NUP93: variants seen among roughly 807,000 people sequenced by gnomAD.
The protein encoded by NUP93 is nucleoporin 93, also known as nuclear pore complex protein Nup93.
NUP93 carries 55 observed loss-of-function variants against 107.8 expected under a neutral mutation model. The ratio of observed to expected loss-of-function variants is 0.51; its 90% CI spans 0.41 to 0.64. The LOEUF (loss-of-function observed/expected upper bound fraction) is 0.64. Ranked by LOEUF, NUP93 falls within the 30% of genes least tolerant of loss-of-function variation. The probability of loss-of-function intolerance (pLI) is 0.00; values close to 1 mark genes in which losing one functional copy is unlikely to be tolerated. For synonymous variants in NUP93, 390 were observed against 397.5 expected (o/e 0.98, Z 0.22); for missense variants, 937 against 1,044.7 (o/e 0.90, Z 1.42).
intron 1 of NUP93, among the ~76,000 whole-genome samples, chr16:56,737,351 C>G (rs1961630539): frequency 6.6e-6 from 1 of 152,102 alleles, no homozygotes; most frequent in Admixed American, 6.6e-5. Flanking sequence ...GGCACTTATC[C>G]CATCCTGAAG....
At position 56,815,902 on chromosome 16, in the gene NUP93, C is replaced by CTGCTGCTGCTGCTGCTGG. The variant is rs879095616; in HGVS notation, c.490-2748_490-2747insCTGGTGCTGCTGCTGCTG. 5.3e-3 allele frequency among the ~76,000 whole-genome samples: 702 copies of CTGCTGCTGCTGCTGCTGG among 133,166 alleles called. 4 individuals are homozygous for CTGCTGCTGCTGCTGCTGG. The highest frequency in any genetic ancestry group is 0.017 in the East Asian group (80 of 4,710). The allele number at this position is 133,166 out of a possible 152,430, so 87.4% of individuals were successfully genotyped here. On this transcript the variant is annotated intron_variant, in intron 5 of 21. Transcript: ENST00000308159. ...GCTGCTGCTGCTGCTGCTGCTGGTG[C>CTGCTGCTGCTGCTGCTGG]TGCTGCTGCTGCTGGTGCTGCTGCT...
At chr16:56,740,211 G>A (rs1369571904) in intron 1 of NUP93, among the ~76,000 whole-genome samples, 1 of 139,948 alleles carries the variant, frequency 7.1e-6, no homozygotes, top group Non-Finnish European at 1.6e-5. Context: ...CGGGCGGAGA[G>A]GCTCCTCACT....
At chr16:56,838,920 C>T in intron 18 of NUP93, 32 bp from the exon 19 acceptor site, 3 of 1,472,950 alleles carry the variant, frequency 2.0e-6, no homozygotes, top group Non-Finnish European at 2.8e-6. Context: ...CTGATACACT[C>T]TTACTACCCC....
intron 3 of NUP93, among the ~76,000 whole-genome samples, chr16:56,787,391 C>G (rs1453748625): frequency 1.3e-5 from 2 of 152,100 alleles, no homozygotes; most frequent in Non-Finnish European, 2.9e-5. Flanking sequence ...AGACTTGGTT[C>G]CCAAACATTG....
intron 2 of NUP93, among the ~76,000 whole-genome samples, chr16:56,754,839 G>T (rs1486649405): frequency 6.6e-6 from 1 of 152,190 alleles, no homozygotes; most frequent in Non-Finnish European, 1.5e-5. Context: ...TGCCCCTGTA[G>T]CCGACTTCTG....
intron 1 of NUP93, among the ~76,000 whole-genome samples, chr16:56,739,673 C>G (rs1235982795): frequency 3.3e-4 from 44 of 132,782 alleles, no homozygotes; most frequent in Non-Finnish European, 5.0e-4. Flanking sequence ...GGGCGGAGGG[C>G]TGACCCCCCC....
intron 1 of NUP93, among the ~76,000 whole-genome samples, chr16:56,746,058 T>C (rs1448542188): frequency 6.6e-6 from 1 of 152,174 alleles, no homozygotes; most frequent in African/African-American, 2.4e-5. Flanking sequence ...CAGTTCTTTA[T>C]TTAGGGATTT....
rs75117461 is a variant in NUP93, at chr16:56,730,502, G to T, written c.-15+291G>T. The stretch of plus-strand genomic sequence containing the variant: ...CCCCACTGTGGTGCCCTCGCGCCAC[G>T]CCCCTGCCCTCACCTCCACCTCGTG... On this transcript the variant is annotated intron_variant, in intron 1 of 21. Transcript: ENST00000308159. Among the ~76,000 whole-genome samples the T allele has an allele frequency of 3.3e-3, 502 of 152,098 alleles. 6 individuals carry two copies. The highest frequency in any genetic ancestry group is 0.011 in the African/African-American group (475 of 41,488).
intron 2 of NUP93, among the ~76,000 whole-genome samples, chr16:56,752,122 A>T (rs1201593514): frequency 6.6e-6 from 1 of 152,188 alleles, no homozygotes; most frequent in Non-Finnish European, 1.5e-5. Flanking sequence ...GGTATATATT[A>T]AAATTATTTT....
At chr16:56,781,420 C>T (rs1342954264) in intron 3 of NUP93, among the ~76,000 whole-genome samples, 1 of 152,162 alleles carries the variant, frequency 6.6e-6, no homozygotes, top group Non-Finnish European at 1.5e-5. Context: ...ATCCGAGATG[C>T]TTCTGTATGT....
chr16:56,806,370 T>C (rs535038310), intron 5 of NUP93, among the ~76,000 whole-genome samples: 1 of 152,170 alleles, frequency 6.6e-6, no homozygotes, highest in South Asian at 2.1e-4. Context: ...CAAATCACTG[T>C]CATCTCTTGC....
chr16:56,783,043 C>G (rs1362152827), intron 3 of NUP93, among the ~76,000 whole-genome samples: 1 of 152,138 alleles, frequency 6.6e-6, no homozygotes, highest in Admixed American at 6.5e-5. Flanking sequence ...ATAAATCTTG[C>G]CTGCAATACT....
rs111959228 is a variant in NUP93 at position 56,841,222 on chromosome 16, C to T, written c.2221-483C>T. On this transcript the variant is annotated intron_variant, in intron 20 of 21. Coordinates refer to ENST00000308159, the MANE Select transcript of NUP93 (RefSeq NM_014669.5). ...TTGCATCAGGGATTAAAGTGGTACACGAGGGCCTGGCCTTATAGACACTCC... is the reference window on the plus strand; with the variant it reads ...TTGCATCAGGGATTAAAGTGGTACATGAGGGCCTGGCCTTATAGACACTCC... Among the ~76,000 whole-genome samples, 427 of 152,174 alleles carry T rather than the reference C, an allele frequency of 2.8e-3. 3 individuals are homozygous for T. Among genetic ancestry groups the T allele is most frequent in the African/African-American group, 9.7e-3 (403 of 41,506 alleles).
intron 1 of NUP93, among the ~76,000 whole-genome samples, chr16:56,743,697 T>A (rs1961774424): frequency 6.6e-6 from 1 of 152,162 alleles, no homozygotes; most frequent in Admixed American, 6.5e-5. Context: ...AACGGTTAGA[T>A]CAAAAAACTG....
intron 15 of NUP93, 102 bp downstream of exon 15, chr16:56,834,544 G>C: frequency 7.8e-7 from 1 of 1,278,028 alleles, no homozygotes; most frequent in Non-Finnish European, 1.1e-6. Context: ...TGGTGGATAA[G>C]GCCTAGGGAG....
At chr16:56,821,992 A>T (rs1963553200) in intron 7 of NUP93, among the ~76,000 whole-genome samples, 1 of 147,080 alleles carries the variant, frequency 6.8e-6, no homozygotes, top group African/African-American at 2.5e-5. Context: ...CTTTGTGAGC[A>T]TTCTTTATAT....
chr16:56,823,259 A>G (rs748100227), intron 7 of NUP93, among the ~76,000 whole-genome samples: 1 of 152,182 alleles, frequency 6.6e-6, no homozygotes, highest in Non-Finnish European at 1.5e-5. Flanking sequence ...AACCTGTATT[A>G]TTATGTTAAA....
chr16:56,833,104 TC>T lies in NUP93; in HGVS notation c.1346-109del, dbSNP rs1440061708. On this transcript the variant is annotated intron_variant, in intron 12 of 21. Coordinates refer to ENST00000308159, the MANE Select transcript of NUP93 (RefSeq NM_014669.5). Reference sequence around the variant, plus strand: ...ATTCAGACTCAATCTGGTGCTTTCTTCCTGTCCAGCAAGTCCTGTGGGCTCA... The same window carrying T: ...ATTCAGACTCAATCTGGTGCTTTCTTCTGTCCAGCAAGTCCTGTGGGCTCA... 4.8e-5 allele frequency: 42 copies of T among 874,242 alleles called. No individual in the cohort carries two copies. The East Asian group carries it at 1.1e-3, about 22-fold the overall frequency. 54.2% of individuals were successfully genotyped at this position (874,242 alleles called of 1,614,324 possible).
chr16:56,763,757 T>A (rs1165514236), intron 3 of NUP93, among the ~76,000 whole-genome samples: 1 of 152,142 alleles, frequency 6.6e-6, no homozygotes. Context: ...TTCCTGAATG[T>A]TCCCTTACAA....
Sources: gnomAD v4.1 joint callset for allele counts (sites outside exome capture counted in the v4.1 genomes callset) on GRCh38, gnomAD v4.1.1 for gene constraint, MANE v1.5 for transcripts, NCBI Gene and HGNC (gene_info 2026-07-23, HGNC 2026-07-21) for gene names.